PATJ: variants seen among roughly 807,000 people sequenced by gnomAD.
PATJ encodes inaD-like protein.
PATJ carries 190 observed loss-of-function variants against 224.9 expected under a neutral mutation model. The ratio of observed to expected loss-of-function variants is 0.84; its 90% CI spans 0.75 to 0.95. The LOEUF (loss-of-function observed/expected upper bound fraction) is 0.95, where lower values mean the gene tolerates loss of function less well. Ranked by LOEUF, PATJ falls within the 40% of genes least tolerant of loss-of-function variation. The pLI is 0.00. For missense variants in PATJ, 2,121 were observed against 2,270.3 expected, an observed-to-expected ratio of 0.93 and a Z score of 1.34; for synonymous variants, 769 against 820.3, an observed-to-expected ratio of 0.94 and a Z score of 1.07.
chr1:61,994,249 C>A (rs774612412), intron 28 of PATJ, among the ~76,000 whole-genome samples: 1 of 151,482 alleles, frequency 6.6e-6, no homozygotes, highest in South Asian at 2.1e-4. Flanking sequence ...TGCTGGTGAA[C>A]AAAATACATA....
chr1:61,777,140 G>T (rs1235547813), intron 7 of PATJ, among the ~76,000 whole-genome samples: 1 of 152,230 alleles, frequency 6.6e-6, no homozygotes, highest in African/African-American at 2.4e-5. Flanking sequence ...AATGGATGAT[G>T]TGAACCTGTT....
At chr1:61,811,159 A>G (rs1408879555) in intron 14 of PATJ, among the ~76,000 whole-genome samples, 2 of 152,204 alleles carry the variant, frequency 1.3e-5, no homozygotes, top group African/African-American at 4.8e-5. Flanking sequence ...ATTATGCTTA[A>G]TATTGTACCT....
chr1:62,088,112 A>G (rs1405891825), intron 33 of PATJ, among the ~76,000 whole-genome samples: 1 of 151,882 alleles, frequency 6.6e-6, no homozygotes, highest in African/African-American at 2.4e-5. Context: ...GCTGGTCTTG[A>G]ACTCCCGACC....
intron 14 of PATJ, among the ~76,000 whole-genome samples, chr1:61,813,658 A>T (rs1446152332): frequency 6.6e-6 from 1 of 152,056 alleles, no homozygotes; most frequent in Non-Finnish European, 1.5e-5. Flanking sequence ...AAAATAAGTA[A>T]GTTATACCGT....
intron 23 of PATJ, 128 bp downstream of exon 23, chr1:61,899,782 G>T: frequency 1.7e-6 from 1 of 599,766 alleles, no homozygotes; most frequent in South Asian, 2.9e-5. Flanking sequence ...CCTGTAAGCT[G>T]GCCTACGTTT....
chr1:62,099,985 G>A (rs938915947), intron 33 of PATJ, among the ~76,000 whole-genome samples: 1 of 152,198 alleles, frequency 6.6e-6, no homozygotes, highest in South Asian at 2.1e-4. Flanking sequence ...AGTGTCTGGT[G>A]ACATTGACTC....
intron 27 of PATJ, among the ~76,000 whole-genome samples, chr1:61,951,597 T>A (rs1679690754): frequency 6.6e-6 from 1 of 152,104 alleles, no homozygotes; most frequent in African/African-American, 2.4e-5. Flanking sequence ...ATTTAAGAAA[T>A]CTCAACCATT....
intron 37 of PATJ, among the ~76,000 whole-genome samples, chr1:62,118,818 C>T (rs909121427): frequency 6.6e-6 from 1 of 151,848 alleles, no homozygotes; most frequent in African/African-American, 2.4e-5. Context: ...TTAGTAGACA[C>T]GGGGTTTCAA....
At chr1:62,052,094 G>A (rs1236463174) in intron 31 of PATJ, among the ~76,000 whole-genome samples, 1 of 152,134 alleles carries the variant, frequency 6.6e-6, no homozygotes, top group African/African-American at 2.4e-5. Flanking sequence ...AATTCTAGAA[G>A]AAATGTAGGC....
rs116570423 is a variant in PATJ at position 61,968,862 on chromosome 1, A to G, written c.3671-21306A>G. Among the ~76,000 whole-genome samples, 570 of 152,324 alleles carry G rather than the reference A, an allele frequency of 3.7e-3. 2 individuals carry two copies. The highest frequency in any genetic ancestry group is 0.013 in the African/African-American group (540 of 41,558). On this transcript the variant is annotated intron_variant, in intron 27 of 43. Coordinates refer to ENST00000642238, the MANE Select transcript of PATJ (RefSeq NM_001350145.3). ...AAAATAACTTCCTGCTTTTAAAAAA[A>G]AGTTTTATAAGAACTCCTTTTCCCC... is the stretch of plus-strand genomic sequence containing the variant.
At chr1:61,846,581 C>A (rs1352607575) in intron 17 of PATJ, among the ~76,000 whole-genome samples, 1 of 152,024 alleles carries the variant, frequency 6.6e-6, no homozygotes, top group Non-Finnish European at 1.5e-5. Flanking sequence ...TAAGTATATT[C>A]ACATTTCAAC....
At chr1:61,780,658 AT>A (rs34053510) in intron 7 of PATJ, among the ~76,000 whole-genome samples, 28,785 of 148,410 alleles carry the variant, frequency 0.19, 3,064 homozygotes, top group South Asian at 0.33. Context: ...TTGGAGTGGC[AT>A]TTTTTTTTTT....
At chr1:62,057,228 A>C (rs1357752729) in intron 31 of PATJ, among the ~76,000 whole-genome samples, 1 of 152,194 alleles carries the variant, frequency 6.6e-6, no homozygotes, top group Non-Finnish European at 1.5e-5. Flanking sequence ...TACCCTGGGG[A>C]TGAATTTGAA....
intron 32 of PATJ, among the ~76,000 whole-genome samples, chr1:62,080,422 C>T (rs569341184): frequency 6.6e-6 from 1 of 152,012 alleles, no homozygotes; most frequent in Non-Finnish European, 1.5e-5. Context: ...ACCTCTGCCT[C>T]CTGGGTTCAA....
In PATJ at chr1:62,161,204, C is replaced by T; in HGVS notation, c.*150C>T. ...TGCTCAGGAGAAATGGCTGAGGTTT[C>T]ATGTGAATTTCCCAAATCAACAATC... is the stretch of plus-strand genomic sequence containing the variant. On this transcript the variant is annotated 3_prime_UTR_variant, in exon 44 of 44. Coordinates refer to ENST00000642238, the MANE Select transcript of PATJ (RefSeq NM_001350145.3). 1 of 510,626 alleles carries T rather than the reference C, an allele frequency of 2.0e-6. No individual in the cohort carries two copies. The highest frequency in any genetic ancestry group is 1.9e-5 in the African/African-American group (1 of 51,340). The allele number at this position is 510,626 out of a possible 1,614,324, so 31.6% of individuals were successfully genotyped here.
chr1:61,990,886 A>G (rs1645023510), intron 28 of PATJ, among the ~76,000 whole-genome samples: 1 of 152,194 alleles, frequency 6.6e-6, no homozygotes, highest in South Asian at 2.1e-4. Context: ...ACAAAAGAGA[A>G]GCTAAGAAGA....
chr1:62,061,434 G>A (rs532433498), intron 31 of PATJ, among the ~76,000 whole-genome samples: 7 of 152,032 alleles, frequency 4.6e-5, no homozygotes, highest in African/African-American at 1.2e-4. Flanking sequence ...CACCCACCTC[G>A]GCATCCCAAA....
At chr1:61,920,804 T>G (rs904694001) in intron 26 of PATJ, among the ~76,000 whole-genome samples, 12 of 151,252 alleles carry the variant, frequency 7.9e-5, no homozygotes, top group Non-Finnish European at 1.8e-4. Context: ...CCTCCCATGT[T>G]CAAGTGATTC....
intron 28 of PATJ, among the ~76,000 whole-genome samples, chr1:62,012,154 G>A (rs1413668121): frequency 2.1e-5 from 3 of 143,414 alleles, no homozygotes; most frequent in African/African-American, 7.9e-5. Context: ...CAAGACCTAA[G>A]ATGGTAGAGT....
Sources: allele counts gnomAD v4.1 joint callset (sites outside exome capture counted in the v4.1 genomes callset), GRCh38; gene constraint gnomAD v4.1.1; transcripts MANE v1.5; gene names NCBI Gene and HGNC (gene_info 2026-07-23, HGNC 2026-07-21).